KCTD8: variants seen among roughly 807,000 people sequenced by gnomAD.
The protein encoded by KCTD8 is potassium channel tetramerization domain containing 8.
KCTD8 carries 27 observed loss-of-function variants against 31.5 expected under a neutral mutation model. That is an observed-to-expected ratio of 0.86 (90% confidence interval 0.63 to 1.18). The LOEUF is 1.18. Ranked by LOEUF, KCTD8 falls within the 50% of genes most tolerant of loss-of-function variation. KCTD8 has a pLI of 0.00. For missense variants in KCTD8, 658 were observed against 647.7 expected, an observed-to-expected ratio of 1.02 and a Z score of -0.17; for synonymous variants, 290 against 280.0, an observed-to-expected ratio of 1.04 and a Z score of -0.36.
intron 1 of KCTD8, among the ~76,000 whole-genome samples, chr4:44,317,179 A>G (rs28587820): frequency 0.2 from 29,297 of 146,922 alleles, 3,314 homozygotes; most frequent in African/African-American, 0.29. Flanking sequence ...CAAAGTTTTA[A>G]TGGAACAGAA....
At chr4:44,225,995 T>G (rs1366867352) in intron 1 of KCTD8, among the ~76,000 whole-genome samples, 2 of 151,618 alleles carry the variant, frequency 1.3e-5, no homozygotes, top group Non-Finnish European at 2.9e-5. Context: ...TAATTTTTTG[T>G]TTTTTTGTAT....
intron 1 of KCTD8, among the ~76,000 whole-genome samples, chr4:44,373,187 A>G (rs1024605821): frequency 6.6e-6 from 1 of 151,886 alleles, no homozygotes; most frequent in Non-Finnish European, 1.5e-5. Context: ...ACATGGTGAA[A>G]CTGTCTCTAC....
At chr4:44,291,977 A>C (rs959216118) in intron 1 of KCTD8, among the ~76,000 whole-genome samples, 10 of 151,614 alleles carry the variant, frequency 6.6e-5, no homozygotes, top group Admixed American at 3.3e-4. Context: ...AAAAAAAAAA[A>C]AAAAAACAGG....
At chr4:44,312,842 G>A (rs1717995074) in intron 1 of KCTD8, among the ~76,000 whole-genome samples, 1 of 152,028 alleles carries the variant, frequency 6.6e-6, no homozygotes, top group African/African-American at 2.4e-5. Context: ...GAACTAGCTG[G>A]GGCCAGGATT....
intron 1 of KCTD8, among the ~76,000 whole-genome samples, chr4:44,395,945 A>G (rs1474952465): frequency 6.6e-6 from 1 of 152,146 alleles, no homozygotes; most frequent in Non-Finnish European, 1.5e-5. Context: ...GGATGATTCA[A>G]GTACATTAAT....
chr4:44,280,348 A>C (rs1421334439), intron 1 of KCTD8, among the ~76,000 whole-genome samples: 2 of 152,060 alleles, frequency 1.3e-5, no homozygotes, highest in East Asian at 3.9e-4. Flanking sequence ...GTATCTTTTC[A>C]ATCAGCAGAT....
At chr4:44,365,792 T>C (rs1248939296) in intron 1 of KCTD8, among the ~76,000 whole-genome samples, 1 of 152,124 alleles carries the variant, frequency 6.6e-6, no homozygotes, top group African/African-American at 2.4e-5. Flanking sequence ...AGATAATCAG[T>C]CACCGGCAAA....
chr4:44,397,990 T>G (rs78562614), intron 1 of KCTD8, among the ~76,000 whole-genome samples: 3 of 152,282 alleles, frequency 2.0e-5, no homozygotes, highest in African/African-American at 7.2e-5. Context: ...CATCCTTTAT[T>G]GTTTAATGCA....
chr4:44,183,183 T>C (rs570154031), intron 1 of KCTD8, among the ~76,000 whole-genome samples: 5 of 152,158 alleles, frequency 3.3e-5, no homozygotes, highest in Non-Finnish European at 4.4e-5. Context: ...GAAATTAAAA[T>C]AGAAATATCT....
chr4:44,224,376 G>C (rs1040618123), intron 1 of KCTD8, among the ~76,000 whole-genome samples: 7 of 151,898 alleles, frequency 4.6e-5, no homozygotes, highest in African/African-American at 1.7e-4. Flanking sequence ...ACTCCTTTTT[G>C]TGTGTGTGTG....
chr4:44,410,577 A>G (rs953791310), intron 1 of KCTD8, among the ~76,000 whole-genome samples: 6 of 152,178 alleles, frequency 3.9e-5, no homozygotes, highest in Non-Finnish European at 7.3e-5. Flanking sequence ...AGACTGGGCA[A>G]TTTGCAAAAG....
At chr4:44,233,214 G>C (rs913330237) in intron 1 of KCTD8, among the ~76,000 whole-genome samples, 3 of 151,864 alleles carry the variant, frequency 2.0e-5, no homozygotes, top group Non-Finnish European at 2.9e-5. Context: ...GTTATCTTTA[G>C]ACTACTCTGA....
chr4:44,214,854 A>T (rs1714603507), intron 1 of KCTD8, among the ~76,000 whole-genome samples: 1 of 152,204 alleles, frequency 6.6e-6, no homozygotes, highest in Non-Finnish European at 1.5e-5. Flanking sequence ...TTTAGGAGTC[A>T]TGCATCTGGA....
chr4:44,398,941 A>C (rs1171901695), intron 1 of KCTD8, among the ~76,000 whole-genome samples: 1 of 152,212 alleles, frequency 6.6e-6, no homozygotes, highest in African/African-American at 2.4e-5. Flanking sequence ...CCTGGAGTAC[A>C]TCATTTTAAA....
At chr4:44,350,824 C>T (rs878947831) in intron 1 of KCTD8, among the ~76,000 whole-genome samples, 1 of 152,080 alleles carries the variant, frequency 6.6e-6, no homozygotes, top group African/African-American at 2.4e-5. Context: ...CTAATTCAGC[C>T]TAAGTCCTTG....
chr4:44,197,923 A>G lies in KCTD8; in HGVS notation c.962-22673T>C, dbSNP rs530845365. On this transcript the variant is annotated intron_variant, in intron 1 of 1. Coordinates refer to ENST00000360029, the MANE Select transcript of KCTD8 (RefSeq NM_198353.3). ...AAGGAATCCAGAAAAATAATCCAAGAGCTGAAATAAGAAATAGCTATTTGA... is the reference window on the plus strand; with the variant it reads ...AAGGAATCCAGAAAAATAATCCAAGGGCTGAAATAAGAAATAGCTATTTGA... Among the ~76,000 whole-genome samples, 30 of 152,310 alleles carry G rather than the reference A, an allele frequency of 2.0e-4. No individual in the cohort carries two copies. The South Asian group carries it at 6.2e-3, about 32-fold the overall frequency.
intron 1 of KCTD8, among the ~76,000 whole-genome samples, chr4:44,430,098 G>A (rs1382758448): frequency 2.6e-5 from 4 of 151,740 alleles, no homozygotes; most frequent in Admixed American, 2.0e-4. Context: ...TCTTAGCAGA[G>A]AATCAAAGGA....
intron 1 of KCTD8, among the ~76,000 whole-genome samples, chr4:44,295,540 T>TAC (rs10636164): frequency 1.3e-5 from 2 of 149,042 alleles, no homozygotes; most frequent in Admixed American, 6.7e-5. Flanking sequence ...AAGATAAACA[T>TAC]TTTATTTGTA....
chr4:44,414,527 C>T (rs1158740946), intron 1 of KCTD8, among the ~76,000 whole-genome samples: 1 of 152,060 alleles, frequency 6.6e-6, no homozygotes, highest in Non-Finnish European at 1.5e-5. Context: ...GACCATTTAA[C>T]AAGATGCACC....
Sources: allele counts gnomAD v4.1 joint callset (sites outside exome capture counted in the v4.1 genomes callset), GRCh38; gene constraint gnomAD v4.1.1; transcripts MANE v1.5; gene names NCBI Gene and HGNC (gene_info 2026-07-23, HGNC 2026-07-21).